The following AP1M1 variants were observed in gnomAD, a reference collection of about 807,000 sequenced individuals.
AP1M1 encodes the protein adaptor related protein complex 1 subunit mu 1, also known as AP-1 complex subunit mu-1.
AP1M1 carries 18 observed loss-of-function variants against 57.1 expected under a neutral mutation model. The ratio of observed to expected loss-of-function variants is 0.32; its 90% CI spans 0.22 to 0.47. The LOEUF is 0.47. AP1M1 is among the 20% of genes least tolerant of loss of function. The probability of loss-of-function intolerance (pLI) is 1.00; values close to 1 mark genes in which losing one functional copy is unlikely to be tolerated. For synonymous variants in AP1M1, 241 were observed against 237.9 expected, an observed-to-expected ratio of 1.01 and a Z score of -0.12; for missense variants, 362 against 593.5, an observed-to-expected ratio of 0.61 and a Z score of 4.05.
At chr19:16,233,826 C>T (rs745971552) in intron 10 of AP1M1, among the ~76,000 whole-genome samples, 2 of 152,150 alleles carry the variant, frequency 1.3e-5, no homozygotes, top group African/African-American at 4.8e-5. Context: ...TCATTCTGCC[C>T]CAAACTAGCA....
chr19:16,216,883 A>G (rs781326634), intron 5 of AP1M1, among the ~76,000 whole-genome samples: 1 of 152,260 alleles, frequency 6.6e-6, no homozygotes, highest in Non-Finnish European at 1.5e-5. Flanking sequence ...TTCATAGGGT[A>G]GTGGCAGCAG....
chr19:16,206,808 G>T lies in AP1M1; in HGVS notation c.267+400G>T, dbSNP rs142793066. Reference sequence around the variant, plus strand: ...GGCTCTCAAGGCACAGATGCCTGACGCCCACCTTGGAGAGAGCTGACACGC... The same window carrying T: ...GGCTCTCAAGGCACAGATGCCTGACTCCCACCTTGGAGAGAGCTGACACGC... On this transcript the variant is annotated intron_variant, in intron 3 of 11. Coordinates refer to ENST00000291439, the MANE Select transcript of AP1M1 (RefSeq NM_032493.4). The surrounding 1 kb of genome is among the most constrained non-coding windows in gnomAD (Gnocchi z 4.3). 6.6e-6 allele frequency among the ~76,000 whole-genome samples: 1 copy of T among 152,186 alleles called. No homozygotes were observed. The highest frequency in any genetic ancestry group is 2.4e-5 in the African/African-American group (1 of 41,458).
Position 16,198,009 on chromosome 19 carries a change from A to ACCGCCCTCGGCCGCTGCCGG in AP1M1, c.-18_-17insCCGCCCTCGGCCGCTGCCGG, listed in dbSNP as rs764465021. The ACCGCCCTCGGCCGCTGCCGG allele has an allele frequency of 7.6e-7, 1 of 1,311,674 alleles. No homozygotes were observed. Among genetic ancestry groups the ACCGCCCTCGGCCGCTGCCGG allele is most frequent in the Admixed American group, 2.6e-5 (1 of 39,210 alleles). 81.3% of individuals were successfully genotyped at this position (1,311,674 alleles called of 1,614,324 possible). ...CCGCCACCGCCCTCGGCCGCTGCCGAGGCCTCCTGCAGCCATCATGTCCGC... is the reference window on the plus strand; with the variant it reads ...CCGCCACCGCCCTCGGCCGCTGCCGACCGCCCTCGGCCGCTGCCGGGGCCTCCTGCAGCCATCATGTCCGC... On this transcript the variant is annotated 5_prime_UTR_variant, in exon 1 of 12. Coordinates refer to ENST00000291439, the MANE Select transcript of AP1M1 (RefSeq NM_032493.4).
In AP1M1 at chr19:16,198,034, C is replaced by G; in HGVS notation, c.8C>G (p.Ala3Gly). ...AGGCCTCCTGCAGCCATCATGTCCG[C>G]CAGCGCCGTCTACGTGCTGGACCTG... Reference protein sequence around the residue: MSASAVYVLDLKG... With the variant: MSGSAVYVLDLKG... Residue 3 changes from alanine to glycine, a missense_variant, in exon 1 of 12, where the codon GCC (alanine) becomes GGC (glycine). This residue lies in a region of AP1M1 where 337 missense variants were observed against 511.1 expected (regional missense o/e 0.66). Transcript: ENST00000291439. The G allele has an allele frequency of 6.6e-7, 1 of 1,509,876 alleles. No homozygotes were observed. The highest frequency in any genetic ancestry group is 8.8e-7 in the Non-Finnish European group (1 of 1,137,590). 93.5% of individuals were successfully genotyped at this position (1,509,876 alleles called of 1,614,324 possible).
Position 16,244,015 on chromosome 19 carries a change from G to C in AP1M1, c.*9580G>C, listed in dbSNP as rs995654376. On this transcript the variant is annotated 3_prime_UTR_variant, in exon 12 of 12. Coordinates refer to ENST00000291439, the MANE Select transcript of AP1M1 (RefSeq NM_032493.4). Reference sequence around the variant, plus strand: ...GGGTGTGCTCTCGAGAATCCATCAAGCATTGATGATTTGCACACTCTTTTG... The same window carrying C: ...GGGTGTGCTCTCGAGAATCCATCAACCATTGATGATTTGCACACTCTTTTG... 1.3e-5 allele frequency: 2 copies of C among 152,044 alleles called. No homozygotes were observed. Among genetic ancestry groups the C allele is most frequent in the Non-Finnish European group, 2.9e-5 (2 of 68,016 alleles). The allele number at this position is 152,044 out of a possible 1,614,324, so 9.4% of individuals were successfully genotyped here.
Position 16,206,255 on chromosome 19 carries a change from A to AG in AP1M1, c.200-83dup. ...GATAGGGAAGGCTCTGAGGGTTGTGAGGGTTAGGGGGTCCCTCCATGAACC... is the reference window on the plus strand; with the variant it reads ...GATAGGGAAGGCTCTGAGGGTTGTGAGGGGTTAGGGGGTCCCTCCATGAACC... On this transcript the variant is annotated intron_variant, in intron 2 of 11. Transcript: ENST00000291439. The surrounding 1 kb of genome is among the most constrained non-coding windows in gnomAD (Gnocchi z 4.3). 1 of 1,390,912 alleles carries AG rather than the reference A, an allele frequency of 7.2e-7. No individual in the cohort carries two copies. The highest frequency in any genetic ancestry group is 1.0e-6 in the Non-Finnish European group (1 of 984,062). 86.2% of individuals were successfully genotyped at this position (1,390,912 alleles called of 1,614,324 possible).
rs1386718168 is a variant in AP1M1, at chr19:16,198,073, T to C, written c.42+5T>C. The stretch of plus-strand genomic sequence containing the variant: ...GTGCTGGACCTGAAGGGCAAGGTAC[T>C]GAGGGCTCCCCACCCTCCCTGTTGC... On this transcript the variant is annotated splice_donor_5th_base_variant and intron_variant, in intron 1 of 11. Transcript: ENST00000291439. 2.5e-6 allele frequency: 4 copies of C among 1,599,882 alleles called. No individual in the cohort carries two copies. Among genetic ancestry groups the C allele is most frequent in the African/African-American group, 1.4e-5 (1 of 71,874 alleles).
At chr19:16,208,668 G>T (rs1248720510) in intron 4 of AP1M1, among the ~76,000 whole-genome samples, 1 of 152,166 alleles carries the variant, frequency 6.6e-6, no homozygotes, top group Non-Finnish European at 1.5e-5. Context: ...GCAGGATGGG[G>T]TCACCAGGTT....
chr19:16,210,279 A>G, intron 5 of AP1M1: 2 of 670,628 alleles, frequency 3.0e-6, no homozygotes, highest in Non-Finnish European at 5.7e-6. Context: ...TGGTTTTCCA[A>G]TCTTTGGCAA....
chr19:16,214,093 G>A (rs995492749), intron 5 of AP1M1, among the ~76,000 whole-genome samples: 1 of 144,686 alleles, frequency 6.9e-6, no homozygotes, highest in African/African-American at 2.5e-5. Context: ...GGGTAGCCCA[G>A]GCTGGAGTGC....
chr19:16,221,374 C>T (rs187290992), intron 5 of AP1M1, among the ~76,000 whole-genome samples: 82 of 152,338 alleles, frequency 5.4e-4, no homozygotes, highest in African/African-American at 1.9e-3. Flanking sequence ...GGAACAATGG[C>T]GAGAGCACAC....
At chr19:16,233,355 TC>T in intron 9 of AP1M1, 137 bp from the exon 10 acceptor site, 1 of 1,296,534 alleles carries the variant, frequency 7.7e-7, no homozygotes, top group Non-Finnish European at 1.0e-6. Context: ...GAGCTTTGGC[TC>T]CCCAGCACAG....
intron 6 of AP1M1, among the ~76,000 whole-genome samples, chr19:16,226,925 T>G (rs1422835400): frequency 6.6e-6 from 1 of 152,106 alleles, no homozygotes; most frequent in Non-Finnish European, 1.5e-5. Flanking sequence ...CGCATGGTGA[T>G]TCTCGCTCCC....
At chr19:16,205,853 T>C (rs2091467285) in intron 2 of AP1M1, among the ~76,000 whole-genome samples, 1 of 152,178 alleles carries the variant, frequency 6.6e-6, no homozygotes, top group African/African-American at 2.4e-5. Context: ...AAGGTTTATT[T>C]CATGGGCCAA....
Position 16,237,415 on chromosome 19 carries a change from C to A in AP1M1, c.*2980C>A, listed in dbSNP as rs2091629387. 1 of 152,290 alleles carries A rather than the reference C, an allele frequency of 6.6e-6. No individual in the cohort carries two copies. Among genetic ancestry groups the A allele is most frequent in the Admixed American group, 6.6e-5 (1 of 15,260 alleles). The allele number at this position is 152,290 out of a possible 1,614,324, so 9.4% of individuals were successfully genotyped here. On this transcript the variant is annotated 3_prime_UTR_variant, in exon 12 of 12. Transcript: ENST00000291439. ...TGTTACTGCACTCCAGCCTGGGCAA[C>A]AGAGCGAGACTCCGTCTCAAAACAC...
At chr19:16,217,399 C>T (rs986309802) in intron 5 of AP1M1, among the ~76,000 whole-genome samples, 2 of 152,130 alleles carry the variant, frequency 1.3e-5, no homozygotes, top group Non-Finnish European at 2.9e-5. Flanking sequence ...GGTCCACCCA[C>T]GCACACACCA....
rs116306296 is a variant in AP1M1, at chr19:16,234,095, A to C, written c.1174-104A>C. On this transcript the variant is annotated intron_variant, in intron 10 of 11. Coordinates refer to ENST00000291439, the MANE Select transcript of AP1M1 (RefSeq NM_032493.4). ...TGAGGCCTGTGCTCATCCTGTCGTC[A>C]TGGCCTCCCCTGCCAGCCCCAGGCT... is the stretch of plus-strand genomic sequence containing the variant. 803 of 1,158,094 alleles carry C rather than the reference A, an allele frequency of 6.9e-4. 3 individuals are homozygous for C. The African/African-American group carries it at 0.011, about 16-fold the overall frequency. The allele number at this position is 1,158,094 out of a possible 1,614,324, so 71.7% of individuals were successfully genotyped here.
At chr19:16,220,829 G>A (rs1049483379) in intron 5 of AP1M1, among the ~76,000 whole-genome samples, 7 of 152,118 alleles carry the variant, frequency 4.6e-5, no homozygotes, top group Non-Finnish European at 8.8e-5. Context: ...CTTCTGAATT[G>A]ACGGTTTTTG....
chr19:16,224,442 T>C (rs1434603887), intron 5 of AP1M1, among the ~76,000 whole-genome samples: 1 of 152,250 alleles, frequency 6.6e-6, no homozygotes, highest in Non-Finnish European at 1.5e-5. Flanking sequence ...CTAAGTGGCT[T>C]GCAGAGCTGG....
Sources: allele counts gnomAD v4.1 joint callset (sites outside exome capture counted in the v4.1 genomes callset), GRCh38; gene constraint gnomAD v4.1.1; regional missense constraint gnomAD v4.1.1; non-coding constraint Gnocchi (gnomAD v3.1); transcripts MANE v1.5; gene names NCBI Gene and HGNC (gene_info 2026-07-23, HGNC 2026-07-21).